LRRC58: variants seen among roughly 807,000 people sequenced by gnomAD.
The protein encoded by LRRC58 is leucine-rich repeat-containing protein 58.
A neutral mutation model predicts 30.6 loss-of-function variants in LRRC58; 18 were observed. That is an observed-to-expected ratio of 0.59 (90% CI 0.41 to 0.87). LRRC58 has a LOEUF of 0.87. LRRC58 is among the 40% of genes least tolerant of loss of function. The pLI is 0.00. For missense variants in LRRC58, 420 were observed against 468.4 expected, an observed-to-expected ratio of 0.90 and a Z score of 0.95; for synonymous variants, 221 against 206.0, an observed-to-expected ratio of 1.07 and a Z score of -0.62.
rs926376756 is a variant in LRRC58, at chr3:120,327,642, G to A, written c.*3558C>T. The A allele has an allele frequency of 6.6e-6, 1 of 152,194 alleles. No homozygotes were observed. Among genetic ancestry groups the A allele is most frequent in the Non-Finnish European group, 1.5e-5 (1 of 68,042 alleles). The allele number at this position is 152,194 out of a possible 1,614,324, so 9.4% of individuals were successfully genotyped here. A position where few individuals can be genotyped will look rare whatever the true frequency, so the allele number is the denominator to read the frequency against. On this transcript the variant is annotated 3_prime_UTR_variant, in exon 4 of 4. Transcript: ENST00000295628. ...TTACAAAATCTGGTAGAACTGGTGT[G>A]CAGTATTACAAAACATTATTGTGGA...
At position 120,330,891 on chromosome 3, in the gene LRRC58, T is replaced by A; in HGVS notation, c.*309A>T. The A allele has an allele frequency of 2.8e-6, 1 of 361,078 alleles. No individual in the cohort carries two copies. Among genetic ancestry groups the A allele is most frequent in the Non-Finnish European group, 5.3e-6 (1 of 190,378 alleles). 22.4% of individuals were successfully genotyped at this position (361,078 alleles called of 1,614,324 possible). A position where few individuals can be genotyped will look rare whatever the true frequency, so the allele number is the denominator to read the frequency against. ...GTCCAAAAGTTATACTACTCATGAC[T>A]TATTGCAGAACTGCTCTTCAAAAGG... is the stretch of plus-strand genomic sequence containing the variant. On this transcript the variant is annotated 3_prime_UTR_variant, in exon 4 of 4. Coordinates refer to ENST00000295628, the MANE Select transcript of LRRC58 (RefSeq NM_001099678.2).
At chr3:120,346,885 C>G (rs1430231286) in intron 1 of LRRC58, among the ~76,000 whole-genome samples, 1 of 152,198 alleles carries the variant, frequency 6.6e-6, no homozygotes, top group Admixed American at 6.5e-5. Context: ...GCTTAAAACT[C>G]TCTCATGTGC....
At position 120,330,792 on chromosome 3, in the gene LRRC58, C is replaced by G. The variant is rs1347442129; in HGVS notation, c.*408G>C. 4 of 263,342 alleles carry G rather than the reference C, an allele frequency of 1.5e-5. No individual in the cohort carries two copies. Among genetic ancestry groups the G allele is most frequent in the Non-Finnish European group, 3.0e-5 (4 of 134,936 alleles). The allele number at this position is 263,342 out of a possible 1,614,324, so 16.3% of individuals were successfully genotyped here. ...TATGGTATATAGTATATATGGTATA[C>G]AGTGTTCTACCTAAACCCAAGGGCA... On this transcript the variant is annotated 3_prime_UTR_variant, in exon 4 of 4. Coordinates refer to ENST00000295628, the MANE Select transcript of LRRC58 (RefSeq NM_001099678.2).
Position 120,349,198 on chromosome 3 carries a change from G to C in LRRC58, c.46C>G (p.Leu16Val), listed in dbSNP as rs1395871813. The C allele has an allele frequency of 1.4e-6, 2 of 1,457,660 alleles. No homozygotes were observed. The highest frequency in any genetic ancestry group is 5.1e-5 in the Admixed American group (2 of 39,122). 90.3% of individuals were successfully genotyped at this position (1,457,660 alleles called of 1,614,324 possible). Residue 16 changes from leucine to valine, a missense_variant, in exon 1 of 4, where the codon CTG (leucine) becomes GTG (valine). Around this residue, in one of 2 missense-constraint regions of LRRC58, gnomAD observed 266 missense variants for 251.7 expected, o/e 1.06. Transcript: ENST00000295628. ...GACACGCTGAGGCGGGACCAGTTCA[G>C]TTCGGCCTCCCCGGCCGTGACCACC... ...AAVVTAGEAELNWSRLSVSTE... is the reference protein window; with the variant it reads ...AAVVTAGEAEVNWSRLSVSTE...
At position 120,349,228 on chromosome 3, in the gene LRRC58, C is replaced by T. The variant is rs1290479484; in HGVS notation, c.16G>A (p.Ala6Thr). The part of the protein sequence containing the change: MEEAG[A>T]AVVTAGEAEL... ...GCCTCCCCGGCCGTGACCACCGCTG[C>T]TCCGGCCTCCTCCATCCTGGCCACC... Residue 6 changes from alanine to threonine, a missense_variant, in exon 1 of 4, where the codon GCA becomes ACA. By Grantham distance (58) the Ala-to-Thr change is moderately conservative (BLOSUM62 0). Transcript: ENST00000295628. 10 of 1,405,328 alleles carry T rather than the reference C, an allele frequency of 7.1e-6. 1 individual carries two copies. In the South Asian group the frequency reaches 1.5e-4, roughly 21 times the overall value. The allele number at this position is 1,405,328 out of a possible 1,614,324, so 87.1% of individuals were successfully genotyped here. A position where few individuals can be genotyped will look rare whatever the true frequency, so the allele number is the denominator to read the frequency against.
At chr3:120,347,882 T>C (rs1176213134) in intron 1 of LRRC58, among the ~76,000 whole-genome samples, 1 of 152,260 alleles carries the variant, frequency 6.6e-6, no homozygotes, top group Admixed American at 6.5e-5. Context: ...CCTGTTTCTC[T>C]GCTTCCTCCT....
chr3:120,335,618 A>G (rs1935825546), intron 2 of LRRC58, among the ~76,000 whole-genome samples: 1 of 152,242 alleles, frequency 6.6e-6, no homozygotes, highest in Non-Finnish European at 1.5e-5. Flanking sequence ...AAATAGACTG[A>G]ACAAATATTT....
intron 1 of LRRC58, among the ~76,000 whole-genome samples, chr3:120,348,013 T>TA (rs2107629056): frequency 6.6e-6 from 1 of 152,330 alleles, no homozygotes; most frequent in Non-Finnish European, 1.5e-5. Context: ...ACAGAGAAAG[T>TA]ACAGCATAGG....
intron 1 of LRRC58, among the ~76,000 whole-genome samples, chr3:120,339,199 A>G (rs1441224549): frequency 6.6e-6 from 1 of 151,860 alleles, no homozygotes; most frequent in Admixed American, 6.6e-5. Context: ...TACTGTTTTG[A>G]ACTGTATATG....
At chr3:120,340,450 T>G (rs888752395) in intron 1 of LRRC58, among the ~76,000 whole-genome samples, 1 of 152,364 alleles carries the variant, frequency 6.6e-6, no homozygotes, top group Non-Finnish European at 1.5e-5. Context: ...TCTCTGAAAT[T>G]AAAAATTCTT....
At chr3:120,341,808 C>G (rs1255408489) in intron 1 of LRRC58, among the ~76,000 whole-genome samples, 1 of 151,920 alleles carries the variant, frequency 6.6e-6, no homozygotes, top group Non-Finnish European at 1.5e-5. Flanking sequence ...CCTGCAGCTG[C>G]AGACCCAGGC....
intron 1 of LRRC58, among the ~76,000 whole-genome samples, chr3:120,340,702 G>A (rs556001471): frequency 4.1e-4 from 62 of 152,124 alleles, no homozygotes; most frequent in Middle Eastern, 3.4e-3. Context: ...GTAAAATACC[G>A]TCTCTACTAA....
In LRRC58 at chr3:120,330,089, C is replaced by T. The variant is rs2107620706; in HGVS notation, c.*1111G>A. On this transcript the variant is annotated 3_prime_UTR_variant, in exon 4 of 4. Coordinates refer to ENST00000295628, the MANE Select transcript of LRRC58 (RefSeq NM_001099678.2). ...ACTCCTTTTCTCCATTTTTATTTGG[C>T]TTGTTGTGATGTTTTTCTAGTTGTA... The T allele has an allele frequency of 6.6e-6, 1 of 151,934 alleles. No individual in the cohort carries two copies. Among genetic ancestry groups the T allele is most frequent in the Non-Finnish European group, 1.5e-5 (1 of 67,902 alleles). The allele number at this position is 151,934 out of a possible 1,614,324, so 9.4% of individuals were successfully genotyped here.
chr3:120,332,476 A>G (rs6803428), intron 3 of LRRC58, among the ~76,000 whole-genome samples: 1 of 152,096 alleles, frequency 6.6e-6, no homozygotes, highest in African/African-American at 2.4e-5. Flanking sequence ...AATACATTCA[A>G]TAAGTTGGTC....
intron 1 of LRRC58, among the ~76,000 whole-genome samples, chr3:120,344,916 C>CCATATACTATATACTATATACTATATA (rs1935948712): frequency 6.6e-6 from 1 of 152,022 alleles, no homozygotes; most frequent in East Asian, 1.9e-4. Context: ...AAAATTTTGC[C>CCATATACTATATACTATATACTATATA]CATATACTAT....
At chr3:120,347,632 C>A (rs1935990012) in intron 1 of LRRC58, among the ~76,000 whole-genome samples, 1 of 151,040 alleles carries the variant, frequency 6.6e-6, no homozygotes, top group African/African-American at 2.4e-5. Context: ...ACCTCATGAT[C>A]CACCTGCCTT....
In LRRC58 at chr3:120,324,955, T is replaced by C. The variant is rs201759328; in HGVS notation, c.*6245A>G. The C allele has an allele frequency of 1.3e-5, 2 of 152,184 alleles. No individual in the cohort carries two copies. Among genetic ancestry groups the C allele is most frequent in the Non-Finnish European group, 2.9e-5 (2 of 68,020 alleles). The allele number at this position is 152,184 out of a possible 1,614,324, so 9.4% of individuals were successfully genotyped here. ...AAGAAATCAGATCATAAAAAGTAATTTGACCCAAGTAAAAGTATGTTTTCA... is the reference window on the plus strand; with the variant it reads ...AAGAAATCAGATCATAAAAAGTAATCTGACCCAAGTAAAAGTATGTTTTCA... On this transcript the variant is annotated 3_prime_UTR_variant, in exon 4 of 4. Transcript: ENST00000295628.
chr3:120,336,992 AAAACACCTTT>A lies in LRRC58; in HGVS notation c.501-1049_501-1040del, dbSNP rs1483706844. Among the ~76,000 whole-genome samples, 24 of 151,894 alleles carry A rather than the reference AAAACACCTTT, an allele frequency of 1.6e-4. No individual in the cohort carries two copies. The South Asian group carries it at 4.6e-3, about 29-fold the overall frequency. The stretch of plus-strand genomic sequence containing the variant: ...AACTCAGTAGAACTACTGTTTTTTC[AAAACACCTTT>A]AAATGTGGGAGAAAACAGCCTACTA... On this transcript the variant is annotated intron_variant, in intron 1 of 3. Coordinates refer to ENST00000295628, the MANE Select transcript of LRRC58 (RefSeq NM_001099678.2).
rs952167894 is a variant in LRRC58 at position 120,326,679 on chromosome 3, A to G, written c.*4521T>C. 2 of 152,216 alleles carry G rather than the reference A, an allele frequency of 1.3e-5. No homozygotes were observed. Among genetic ancestry groups the G allele is most frequent in the Non-Finnish European group, 2.9e-5 (2 of 68,034 alleles). The allele number at this position is 152,216 out of a possible 1,614,324, so 9.4% of individuals were successfully genotyped here. A position where few individuals can be genotyped will look rare whatever the true frequency, so the allele number is the denominator to read the frequency against. ...ATGGGGAGTAACATTCATAATGACA[A>G]TAAAATCTCTACCTCTGGATGAAAA... On this transcript the variant is annotated 3_prime_UTR_variant, in exon 4 of 4. Coordinates refer to ENST00000295628, the MANE Select transcript of LRRC58 (RefSeq NM_001099678.2).
Sources: gnomAD v4.1 joint callset for allele counts (sites outside exome capture counted in the v4.1 genomes callset) on GRCh38, gnomAD v4.1.1 for gene constraint, gnomAD v4.1.1 regional missense constraint, MANE v1.5 for transcripts, NCBI Gene and HGNC (gene_info 2026-07-23, HGNC 2026-07-21) for gene names.